The following ATP2C2 variants were observed in gnomAD, a reference collection of about 807,000 sequenced individuals.
The protein encoded by ATP2C2 is ATPase secretory pathway Ca2+ transporting 2.
ATP2C2 carries 171 observed loss-of-function variants against 110.8 expected under a neutral mutation model. The observed-to-expected ratio is 1.54, with a 90% CI of 1.36 to 1.75. The LOEUF (loss-of-function observed/expected upper bound fraction) is 1.75, where lower values mean the gene tolerates loss of function less well. ATP2C2 is among the 40% of genes most tolerant of loss of function. The probability of loss-of-function intolerance (pLI) is 0.00; values close to 1 mark genes in which losing one functional copy is unlikely to be tolerated. For synonymous variants in ATP2C2, 804 were observed against 508.4 expected, an observed-to-expected ratio of 1.58 and a Z score of -7.82; for missense variants, 1,963 against 1,235.0, an observed-to-expected ratio of 1.59 and a Z score of -8.84.
intron 2 of ATP2C2, among the ~76,000 whole-genome samples, chr16:84,402,451 G>T (rs1905391214): frequency 6.6e-6 from 1 of 152,118 alleles, no homozygotes. Flanking sequence ...GTCATATATG[G>T]CTTTTATTAC....
At chr16:84,421,827 G>C (rs1479857747) in intron 7 of ATP2C2, among the ~76,000 whole-genome samples, 1 of 152,180 alleles carries the variant, frequency 6.6e-6, no homozygotes, top group Non-Finnish European at 1.5e-5. Flanking sequence ...ATTGGGGGTG[G>C]TGAGTTCTGA....
At position 84,452,171 on chromosome 16, in the gene ATP2C2, C is replaced by A. The variant is rs554956745; in HGVS notation, c.1831+80C>A. On this transcript the variant is annotated intron_variant, in intron 18 of 26. Transcript: ENST00000262429. ...TGGGGGGCTGCTACCAAAGGGAAGCCTCCGCAAACTCGGTCAGGAGTGCTC... is the reference window on the plus strand; with the variant it reads ...TGGGGGGCTGCTACCAAAGGGAAGCATCCGCAAACTCGGTCAGGAGTGCTC... 1.8e-4 allele frequency: 281 copies of A among 1,555,460 alleles called. 2 individuals carry two copies. The African/African-American group carries it at 3.4e-3, about 19-fold the overall frequency.
intron 11 of ATP2C2, among the ~76,000 whole-genome samples, chr16:84,429,599 G>A (rs1269932600): frequency 6.6e-6 from 1 of 152,136 alleles, no homozygotes; most frequent in Non-Finnish European, 1.5e-5. Context: ...GACAGTCATG[G>A]TTCCCACCTT....
At chr16:84,456,297 A>C (rs1910783816) in intron 21 of ATP2C2, among the ~76,000 whole-genome samples, 1 of 151,308 alleles carries the variant, frequency 6.6e-6, no homozygotes, top group African/African-American at 2.4e-5. Context: ...TTATTGTCAC[A>C]ATTTCAGAGC....
chr16:84,439,404 T>C (rs1909038915), intron 12 of ATP2C2, 23 bp from the exon 13 acceptor site: 1 of 1,613,780 alleles, frequency 6.2e-7, no homozygotes, highest in Non-Finnish European at 8.5e-7. Context: ...TTCTCTTCTA[T>C]AAACTGGTGT....
At chr16:84,463,182 ACGC>A (rs1567471037) in intron 26 of ATP2C2, among the ~76,000 whole-genome samples, 6 of 135,124 alleles carry the variant, frequency 4.4e-5, no homozygotes, top group East Asian at 2.0e-4. Context: ...GCAGAGGGAG[ACGC>A]TGGGAATTCA....
rs563938179 is a variant in ATP2C2, at chr16:84,372,483, G to C, written c.99+3769G>C. 1.1e-3 allele frequency among the ~76,000 whole-genome samples: 161 copies of C among 152,234 alleles called. 2 individuals carry two copies. Among genetic ancestry groups the C allele is most frequent in the African/African-American group, 3.8e-3 (159 of 41,544 alleles). ...GTGTCTCGCCCTGTCACCCAGGCTG[G>C]AGTGCAATGGCATGGTCTTGGCTCA... On this transcript the variant is annotated intron_variant, in intron 1 of 26. Coordinates refer to ENST00000262429, the MANE Select transcript of ATP2C2 (RefSeq NM_014861.4).
intron 1 of ATP2C2, among the ~76,000 whole-genome samples, chr16:84,380,666 A>G (rs577961729): frequency 6.6e-6 from 1 of 152,286 alleles, no homozygotes; most frequent in East Asian, 1.9e-4. Context: ...GCCTGGATGC[A>G]AATTCTAGTT....
intron 1 of ATP2C2, among the ~76,000 whole-genome samples, chr16:84,379,134 CCT>C (rs1910424135): frequency 6.6e-6 from 1 of 151,680 alleles, no homozygotes; most frequent in South Asian, 2.1e-4. Flanking sequence ...CCTCCTTTCC[CCT>C]CTCTTCCCCT....
chr16:84,433,158 T>C (rs1908427564), intron 11 of ATP2C2, among the ~76,000 whole-genome samples: 2 of 152,084 alleles, frequency 1.3e-5, no homozygotes, highest in Non-Finnish European at 2.9e-5. Context: ...GGCAAGAGGA[T>C]CCCTTGAGCC....
chr16:84,401,346 C>T (rs948146512), intron 2 of ATP2C2, among the ~76,000 whole-genome samples: 1 of 151,710 alleles, frequency 6.6e-6, no homozygotes, highest in African/African-American at 2.4e-5. Context: ...GCCTCAGCCT[C>T]CTGTAGTAGC....
chr16:84,458,887 C>T lies in ATP2C2; in HGVS notation c.2148-233C>T, dbSNP rs528603384. On this transcript the variant is annotated intron_variant, in intron 21 of 26. Coordinates refer to ENST00000262429, the MANE Select transcript of ATP2C2 (RefSeq NM_014861.4). The stretch of plus-strand genomic sequence containing the variant: ...TTGGAGGCATCAGGTGTACCCTTGG[C>T]ACAGAAGGGCGAACATGGCTCAAGG... Among the ~76,000 whole-genome samples the T allele has an allele frequency of 1.7e-4, 26 of 152,322 alleles. No individual in the cohort carries two copies. The South Asian group carries it at 5.4e-3, about 32-fold the overall frequency.
intron 15 of ATP2C2, among the ~76,000 whole-genome samples, chr16:84,445,313 A>T (rs1314553810): frequency 1.3e-5 from 2 of 150,822 alleles, no homozygotes; most frequent in Non-Finnish European, 2.9e-5. Context: ...GGTTCAAGCG[A>T]TTCTCCTGCC....
intron 1 of ATP2C2, among the ~76,000 whole-genome samples, chr16:84,394,245 C>A (rs1904839839): frequency 1.3e-5 from 2 of 152,188 alleles, no homozygotes; most frequent in South Asian, 4.1e-4. Context: ...AATCAACCAT[C>A]TCACAGTAAA....
At chr16:84,462,320 C>CCT in intron 26 of ATP2C2, 191 bp downstream of exon 26, 1 of 711,318 alleles carries the variant, frequency 1.4e-6, no homozygotes, top group Admixed American at 3.0e-5. Flanking sequence ...GACGGATGCA[C>CCT]AGAAACCCCT....
At chr16:84,461,956 A>G (rs375390061) in intron 25 of ATP2C2, 32 bp from the exon 26 acceptor site, 20 of 1,610,352 alleles carry the variant, frequency 1.2e-5, no homozygotes, top group Non-Finnish European at 1.5e-5. Flanking sequence ...TGTGGACAGC[A>G]CACAATCCCC....
intron 20 of ATP2C2, 61 bp from the exon 21 acceptor site, chr16:84,454,757 T>C (rs1206282957): frequency 3.3e-6 from 5 of 1,497,986 alleles, no homozygotes; most frequent in Non-Finnish European, 4.4e-6. Flanking sequence ...AGGGTGTGCA[T>C]GGCCGGGCAC....
intron 23 of ATP2C2, chr16:84,460,366 G>A (rs1192652170): frequency 2.1e-6 from 1 of 476,258 alleles, no homozygotes; most frequent in Admixed American, 3.4e-5. Flanking sequence ...TCCCCTCGGG[G>A]TGATGGAGAT....
intron 20 of ATP2C2, among the ~76,000 whole-genome samples, chr16:84,453,612 C>T (rs1910522368): frequency 6.6e-6 from 1 of 152,278 alleles, no homozygotes; most frequent in African/African-American, 2.4e-5. Context: ...GCCAGCAACA[C>T]TTGCGCTGAC....
Sources: allele counts gnomAD v4.1 joint callset (sites outside exome capture counted in the v4.1 genomes callset), GRCh38; gene constraint gnomAD v4.1.1; transcripts MANE v1.5; gene names NCBI Gene and HGNC (gene_info 2026-07-23, HGNC 2026-07-21).